LRCH3: variants seen among roughly 807,000 people sequenced by gnomAD.
The protein encoded by LRCH3 is leucine rich repeats and calponin homology domain containing 3.
LRCH3 carries 68 observed loss-of-function variants against 104.5 expected under a neutral mutation model. The ratio of observed to expected loss-of-function variants is 0.65; its 90% CI spans 0.54 to 0.80. LRCH3 has a LOEUF of 0.80. LRCH3 is among the 30% of genes least tolerant of loss of function. LRCH3 has a pLI of 0.00. For missense variants in LRCH3, 951 were observed against 953.9 expected (o/e 1.00, Z 0.04); for synonymous variants, 344 against 361.3 (o/e 0.95, Z 0.54).
In LRCH3 at chr3:197,860,468, C is replaced by T. The variant is rs375108039; in HGVS notation, c.1716+1563C>T. Among the ~76,000 whole-genome samples the T allele has an allele frequency of 5.3e-5, 8 of 152,090 alleles. 1 individual carries two copies. Among genetic ancestry groups the T allele is most frequent in the Middle Eastern group, 6.8e-3 (2 of 294 alleles). On this transcript the variant is annotated intron_variant, in intron 15 of 20. Transcript: ENST00000425562. ...ACCTGTAATCCCAGTGTTGGTAGCC[C>T]GAGGGGGAATACAATTGAGGCCAGG...
chr3:197,806,586 G>GGGCAT (rs1313388959), intron 1 of LRCH3, among the ~76,000 whole-genome samples: 1 of 151,816 alleles, frequency 6.6e-6, no homozygotes, highest in Non-Finnish European at 1.5e-5. Context: ...TCTAAGAAAA[G>GGGCAT]GGCATAGGAA....
chr3:197,870,755 C>T (rs1036910143), intron 18 of LRCH3, among the ~76,000 whole-genome samples: 4 of 150,896 alleles, frequency 2.7e-5, no homozygotes, highest in South Asian at 2.1e-4. Context: ...GGATGGCAGG[C>T]GTGAGCTTCC....
intron 10 of LRCH3, among the ~76,000 whole-genome samples, chr3:197,845,536 A>G (rs528235292): frequency 6.6e-6 from 1 of 152,186 alleles, no homozygotes; most frequent in African/African-American, 2.4e-5. Context: ...GGAGGGTGCT[A>G]CTGTCATTCA....
chr3:197,807,302 C>T lies in LRCH3; in HGVS notation c.263-7606C>T, dbSNP rs945511374. On this transcript the variant is annotated intron_variant, in intron 1 of 20. Coordinates refer to ENST00000425562, the MANE Select transcript of LRCH3 (RefSeq NM_001365715.1). ...CGCGATCTCGGGTCACTGCCAGCTC[C>T]GCCTCTCGGGTTCACACCATTCTCC... Among the ~76,000 whole-genome samples, 7 of 151,530 alleles carry T rather than the reference C, an allele frequency of 4.6e-5. No homozygotes were observed. The South Asian group carries it at 8.4e-4, about 18-fold the overall frequency.
chr3:197,869,401 G>A (rs56925114), intron 17 of LRCH3, among the ~76,000 whole-genome samples: 2 of 146,870 alleles, frequency 1.4e-5, no homozygotes, highest in East Asian at 2.0e-4. Flanking sequence ...AGTAGAAAGC[G>A]GTGCACTGTA....
chr3:197,876,699 TC>T (rs1345754906), intron 20 of LRCH3, among the ~76,000 whole-genome samples: 1 of 152,188 alleles, frequency 6.6e-6, no homozygotes, highest in Non-Finnish European at 1.5e-5. Context: ...ATGATTCTTC[TC>T]TATCACCTTC....
At chr3:197,860,569 A>G (rs1314903101) in intron 15 of LRCH3, among the ~76,000 whole-genome samples, 3 of 151,666 alleles carry the variant, frequency 2.0e-5, no homozygotes, top group Non-Finnish European at 4.4e-5. Flanking sequence ...GTCTCTAAAA[A>G]CATTAAAACC....
intron 1 of LRCH3, among the ~76,000 whole-genome samples, chr3:197,806,679 G>A (rs532815217): frequency 6.6e-6 from 1 of 150,976 alleles, no homozygotes; most frequent in East Asian, 2.0e-4. Context: ...AGGAGTTCAA[G>A]ACCACCCTGG....
chr3:197,832,884 G>C (rs1300927087), intron 8 of LRCH3, among the ~76,000 whole-genome samples: 1 of 151,990 alleles, frequency 6.6e-6, no homozygotes, highest in Non-Finnish European at 1.5e-5. Flanking sequence ...GCTTGAATTG[G>C]TTTGAATTTA....
rs1733008436 is a variant in LRCH3 at position 197,810,540 on chromosome 3, C to A, written c.263-4368C>A. Among the ~76,000 whole-genome samples, 1 of 152,102 alleles carries A rather than the reference C, an allele frequency of 6.6e-6. No individual in the cohort carries two copies. Among genetic ancestry groups the A allele is most frequent in the Non-Finnish European group, 1.5e-5 (1 of 68,012 alleles). On this transcript the variant is annotated intron_variant, in intron 1 of 20. Transcript: ENST00000425562. The surrounding 1 kb of genome is among the most constrained non-coding windows in gnomAD (Gnocchi z 4.0). ...CCCAGGGAATTCATTGCTATTGTTC[C>A]TTGAGTCCTGAGGTTCCTAGCCATC...
chr3:197,803,859 A>G (rs1732166243), intron 1 of LRCH3, among the ~76,000 whole-genome samples: 1 of 152,210 alleles, frequency 6.6e-6, no homozygotes, highest in Non-Finnish European at 1.5e-5. Flanking sequence ...TAACCAGGTA[A>G]TTCTTTTTCC....
intron 1 of LRCH3, among the ~76,000 whole-genome samples, chr3:197,814,039 A>AT (rs920213511): frequency 2.6e-5 from 4 of 151,986 alleles, no homozygotes; most frequent in Non-Finnish European, 5.9e-5. Context: ...TAAATGTTTG[A>AT]TTTTTTTCTC....
chr3:197,875,360 A>G (rs9757001), intron 19 of LRCH3, among the ~76,000 whole-genome samples: 3,014 of 152,284 alleles, frequency 0.02, 38 homozygotes, highest in East Asian at 0.042. Context: ...AAAGTTAGCA[A>G]ATATTTTTTA....
chr3:197,836,982 T>G (rs753259164), intron 9 of LRCH3, among the ~76,000 whole-genome samples: 11 of 152,256 alleles, frequency 7.2e-5, no homozygotes, highest in Non-Finnish European at 1.2e-4. Context: ...CCAGCCAGTA[T>G]TATCATTCTT....
At chr3:197,827,352 A>T (rs1361277039) in intron 5 of LRCH3, among the ~76,000 whole-genome samples, 1 of 152,144 alleles carries the variant, frequency 6.6e-6, no homozygotes, top group Non-Finnish European at 1.5e-5. Context: ...CCATAGTGGA[A>T]GCATCAGGTA....
chr3:197,814,527 CA>C (rs1393915482), intron 1 of LRCH3, among the ~76,000 whole-genome samples: 1 of 152,212 alleles, frequency 6.6e-6, no homozygotes, highest in Non-Finnish European at 1.5e-5. Context: ...TGATGAATTT[CA>C]GTCTACTGCA....
intron 4 of LRCH3, among the ~76,000 whole-genome samples, chr3:197,826,251 A>G (rs1735189196): frequency 6.6e-6 from 1 of 152,212 alleles, no homozygotes. Context: ...CCAGAGAAAG[A>G]AGCTCCATTT....
rs561448858 is a variant in LRCH3 at position 197,797,286 on chromosome 3, G to A, written c.262+5746G>A. ...GGAGGTTGCAGTGAGCTGAGATCAC[G>A]CCATTGCACTCCAGACTGGGCAACG... On this transcript the variant is annotated intron_variant, in intron 1 of 20. Transcript: ENST00000425562. 1.9e-3 allele frequency among the ~76,000 whole-genome samples: 227 copies of A among 122,602 alleles called. 1 individual carries two copies. Among genetic ancestry groups the A allele is most frequent in the Non-Finnish European group, 3.0e-3 (191 of 63,778 alleles). 80.4% of individuals were successfully genotyped at this position (122,602 alleles called of 152,430 possible).
intron 16 of LRCH3, 143 bp downstream of exon 16, chr3:197,865,614 C>T: frequency 2.1e-6 from 1 of 468,444 alleles, no homozygotes; most frequent in Non-Finnish European, 3.7e-6. Context: ...GATCCTCCTG[C>T]CTTGTTCTCC....
Sources: gnomAD v4.1 joint callset for allele counts (sites outside exome capture counted in the v4.1 genomes callset) on GRCh38, gnomAD v4.1.1 for gene constraint, Gnocchi (gnomAD v3.1) non-coding constraint, MANE v1.5 for transcripts, NCBI Gene and HGNC (gene_info 2026-07-23, HGNC 2026-07-21) for gene names.